RNASEH2B: variants seen among roughly 807,000 people sequenced by gnomAD.
The protein encoded by RNASEH2B is ribonuclease H2 subunit B.
RNASEH2B carries 36 observed loss-of-function variants against 45.0 expected under a neutral mutation model. The ratio of observed to expected loss-of-function variants is 0.80; its 90% CI spans 0.61 to 1.06. The LOEUF is 1.06. Among genes scored for constraint, RNASEH2B ranks in the 50% least tolerant of loss-of-function variants. The pLI is 0.00. For synonymous variants in RNASEH2B, 119 were observed against 125.7 expected (o/e 0.95, Z 0.35); for missense variants, 361 against 360.3 (o/e 1.00, Z -0.02).
In RNASEH2B at chr13:50,910,100, G is replaced by A; in HGVS notation, c.24G>A (p.Gly8=). The change falls in exon 1 of 11, where the codon GGG becomes GGA. Residue 8 remains glycine, a synonymous_variant. Coordinates refer to ENST00000336617, the MANE Select transcript of RNASEH2B (RefSeq NM_024570.4). ...GCATGGCCGCTGGCGTGGACTGCGG[G>A]GACGGGGTTGGCGCCCGGCAGCACG... MAAGVDC[G]DGVGARQHVF... 1 of 1,462,736 alleles carries A rather than the reference G, an allele frequency of 6.8e-7. No individual in the cohort carries two copies. The highest frequency in any genetic ancestry group is 2.6e-5 in the Admixed American group (1 of 38,046). The allele number at this position is 1,462,736 out of a possible 1,614,324, so 90.6% of individuals were successfully genotyped here. A position where few individuals can be genotyped will look rare whatever the true frequency, so the allele number is the denominator to read the frequency against.
At chr13:50,935,200 C>CT in intron 5 of RNASEH2B, 1 of 577,948 alleles carries the variant, frequency 1.7e-6, no homozygotes, top group South Asian at 2.0e-5. Flanking sequence ...CCATGGCAGT[C>CT]TAGGGCCTAC....
intron 10 of RNASEH2B, chr13:50,956,144 G>A: frequency 2.0e-6 from 1 of 492,516 alleles, no homozygotes; most frequent in Non-Finnish European, 3.7e-6. Context: ...TTAGAAGGCA[G>A]CAGTTTTGTC....
At chr13:50,931,941 G>A (rs1457625882) in intron 4 of RNASEH2B, among the ~76,000 whole-genome samples, 2 of 134,290 alleles carry the variant, frequency 1.5e-5, no homozygotes, top group African/African-American at 5.6e-5. Flanking sequence ...TCCAAATGTT[G>A]ACACATCTCA....
chr13:50,949,736 T>G (rs913657824), intron 9 of RNASEH2B, among the ~76,000 whole-genome samples: 11 of 152,226 alleles, frequency 7.2e-5, no homozygotes, highest in Non-Finnish European at 1.6e-4. Flanking sequence ...GAGTTGGTTT[T>G]AGCAAGGTAC....
chr13:50,934,755 C>T lies in RNASEH2B; in HGVS notation c.322-130C>T. The T allele has an allele frequency of 4.2e-6, 3 of 714,886 alleles. No individual in the cohort carries two copies. In the South Asian group the frequency reaches 4.5e-5, roughly 11 times the overall value. The allele number at this position is 714,886 out of a possible 1,614,324, so 44.3% of individuals were successfully genotyped here. A position where few individuals can be genotyped will look rare whatever the true frequency, so the allele number is the denominator to read the frequency against. On this transcript the variant is annotated intron_variant, in intron 4 of 10. Transcript: ENST00000336617. ...TAGAGCCTGTCCCATTGTAGGGATT[C>T]CTTAGATGGAATAGGTGGCTTCTGC...
At chr13:50,930,169 G>GT in intron 3 of RNASEH2B, 1 of 224,128 alleles carries the variant, frequency 4.5e-6, no homozygotes, top group Non-Finnish European at 8.9e-6. Context: ...GGGGCAGTCA[G>GT]TGGCTATTCA....
chr13:50,943,981 G>T (rs1593470984), intron 6 of RNASEH2B, among the ~76,000 whole-genome samples: 1 of 150,700 alleles, frequency 6.6e-6, no homozygotes, highest in Admixed American at 6.6e-5. Context: ...GAAACAGATT[G>T]TGATGGGATG....
At chr13:50,919,710 A>C (rs527461107) in intron 1 of RNASEH2B, among the ~76,000 whole-genome samples, 3 of 152,318 alleles carry the variant, frequency 2.0e-5, no homozygotes, top group Non-Finnish European at 2.9e-5. Flanking sequence ...TTATAGTTTA[A>C]AACATTGGCT....
chr13:50,966,198 AAC>A (rs367821414), intron 9 of RNASEH2B, among the ~76,000 whole-genome samples: 15 of 152,354 alleles, frequency 9.8e-5, no homozygotes, highest in African/African-American at 3.6e-4. Flanking sequence ...AACACACATA[AAC>A]ACACATATAT....
Position 50,910,059 on chromosome 13 carries a change from C to T in RNASEH2B, c.-18C>T. 4 of 1,464,780 alleles carry T rather than the reference C, an allele frequency of 2.7e-6. No homozygotes were observed. The highest frequency in any genetic ancestry group is 3.6e-6 in the Non-Finnish European group (4 of 1,112,830). The allele number at this position is 1,464,780 out of a possible 1,614,324, so 90.7% of individuals were successfully genotyped here. Reference sequence around the variant, plus strand: ...CCCGCGGCGCTGAGCCTGCGGCGCCCCGGAAGAGGCGGGCGGCATGGCCGC... The same window carrying T: ...CCCGCGGCGCTGAGCCTGCGGCGCCTCGGAAGAGGCGGGCGGCATGGCCGC... On this transcript the variant is annotated 5_prime_UTR_variant, in exon 1 of 11. Coordinates refer to ENST00000336617, the MANE Select transcript of RNASEH2B (RefSeq NM_024570.4).
intron 7 of RNASEH2B, 152 bp from the exon 8 acceptor site, chr13:50,947,835 C>A: frequency 8.0e-7 from 1 of 1,244,788 alleles, no homozygotes; most frequent in Non-Finnish European, 1.1e-6. Flanking sequence ...TTACTATCCC[C>A]ATTTTACAAA....
chr13:50,910,260 T>G (rs770526467), intron 1 of RNASEH2B, 120 bp downstream of exon 1: 1 of 641,408 alleles, frequency 1.6e-6, no homozygotes, highest in Non-Finnish European at 2.4e-6. Flanking sequence ...CGGGATGGGA[T>G]TCTCTCTGGG....
At chr13:50,930,188 T>C (rs1763155134) in intron 3 of RNASEH2B, 2 of 224,470 alleles carry the variant, frequency 8.9e-6, no homozygotes, top group Admixed American at 5.3e-5. Flanking sequence ...CAAAGAATCC[T>C]ACATCCCCCT....
chr13:50,944,002 G>T (rs1951864986), intron 6 of RNASEH2B, among the ~76,000 whole-genome samples: 2 of 150,978 alleles, frequency 1.3e-5, no homozygotes, highest in Non-Finnish European at 3.0e-5. Context: ...GGACGGGACA[G>T]GACGGGATGG....
At chr13:50,959,381 A>G (rs1952087032), downstream of RNASEH2B, 1 of 151,916 alleles carries the variant, frequency 6.6e-6, no homozygotes, top group Admixed American at 6.6e-5. Flanking sequence ...TTAGAAAGAT[A>G]TTTCATTTTA....
chr13:50,945,884 A>G (rs1436110677), intron 7 of RNASEH2B, among the ~76,000 whole-genome samples: 1 of 152,198 alleles, frequency 6.6e-6, no homozygotes, highest in Non-Finnish European at 1.5e-5. Flanking sequence ...AGTAAATTTC[A>G]TAATGAGCAT....
At position 50,956,721 on chromosome 13, in the gene RNASEH2B, T is replaced by C; in HGVS notation, c.*247T>C. 1 of 1,221,194 alleles carries C rather than the reference T, an allele frequency of 8.2e-7. No individual in the cohort carries two copies. The highest frequency in any genetic ancestry group is 1.0e-6 in the Non-Finnish European group (1 of 966,624). The allele number at this position is 1,221,194 out of a possible 1,614,324, so 75.6% of individuals were successfully genotyped here. ...AGTAATCACTTGAAGAGAATTAACA[T>C]ATAGCATCATGATTTTCTCAATAAA... On this transcript the variant is annotated 3_prime_UTR_variant, in exon 11 of 11. Transcript: ENST00000336617.
chr13:50,928,967 G>A (rs1356882628), intron 2 of RNASEH2B, among the ~76,000 whole-genome samples: 14 of 114,142 alleles, frequency 1.2e-4, no homozygotes, highest in South Asian at 2.8e-4. Flanking sequence ...GGTTAAGAAA[G>A]GAAAGGAAAA....
intron 5 of RNASEH2B, among the ~76,000 whole-genome samples, chr13:50,940,187 A>G (rs979242903): frequency 3.3e-5 from 5 of 152,208 alleles, no homozygotes. Flanking sequence ...TTTCATTTCT[A>G]TGGTGTTCCA....
Sources: gnomAD v4.1 joint callset for allele counts (sites outside exome capture counted in the v4.1 genomes callset) on GRCh38, gnomAD v4.1.1 for gene constraint, MANE v1.5 for transcripts, NCBI Gene and HGNC (gene_info 2026-07-23, HGNC 2026-07-21) for gene names.